Variants in MCRIP1 observed in about 807,000 individuals in gnomAD.
MCRIP1 encodes the protein MAPK regulated corepressor interacting protein 1.
MCRIP1 carries 10 observed loss-of-function variants against 14.4 expected under a neutral mutation model. The observed-to-expected ratio is 0.70, with a 90% CI of 0.43 to 1.18. MCRIP1 has a LOEUF of 1.18. Ranked by LOEUF, MCRIP1 falls within the 50% of genes most tolerant of loss-of-function variation. The pLI, the probability that MCRIP1 is intolerant of heterozygous loss-of-function variation, is 0.00. For missense variants in MCRIP1, 119 were observed against 135.4 expected, an observed-to-expected ratio of 0.88 and a Z score of 0.60; for synonymous variants, 53 against 55.7, an observed-to-expected ratio of 0.95 and a Z score of 0.21.
chr17:81,826,796 C>T (rs551346064), intron 1 of MCRIP1: 140 of 133,034 alleles, frequency 1.1e-3, no homozygotes, highest in African/African-American at 1.5e-3. Flanking sequence ...CCAGCCTGGG[C>T]GACAGAGCAA....
At chr17:81,830,494 A>T (rs2038495203) in intron 1 of MCRIP1, among the ~76,000 whole-genome samples, 1 of 151,802 alleles carries the variant, frequency 6.6e-6, no homozygotes. Context: ...AAAAGTAGCC[A>T]GGCGTGGTGG....
At position 81,823,811 on chromosome 17, in the gene MCRIP1, T is replaced by C; in HGVS notation, c.128-298A>G. 1 of 576,174 alleles carries C rather than the reference T, an allele frequency of 1.7e-6. No homozygotes were observed. 35.7% of individuals were successfully genotyped at this position (576,174 alleles called of 1,614,324 possible). ...TCGGAGGCAGCGCATCCTCCTCAGCTAGGCCTCTATCTTTCCCACCTCATC... is the reference window on the plus strand; with the variant it reads ...TCGGAGGCAGCGCATCCTCCTCAGCCAGGCCTCTATCTTTCCCACCTCATC... On this transcript the variant is annotated intron_variant, in intron 3 of 4. Coordinates refer to ENST00000455127, the MANE Select transcript of MCRIP1 (RefSeq NM_207368.5). This position sits in a 1 kb window ranked among gnomAD's most constrained non-coding sequence, Gnocchi z 6.0.
intron 1 of MCRIP1, chr17:81,826,401 G>A: frequency 6.5e-7 from 1 of 1,534,622 alleles, no homozygotes; most frequent in Non-Finnish European, 8.7e-7. Flanking sequence ...GCATGCACTT[G>A]TAGTCCCAGC....
At chr17:81,830,466 G>A (rs1397739604) in intron 1 of MCRIP1, among the ~76,000 whole-genome samples, 2 of 148,404 alleles carry the variant, frequency 1.3e-5, no homozygotes, top group Admixed American at 6.7e-5. Flanking sequence ...GTGAAACCCC[G>A]TCTCTACTAA....
intron 1 of MCRIP1, chr17:81,826,662 A>C: frequency 7.1e-6 from 3 of 424,238 alleles, no homozygotes; most frequent in Non-Finnish European, 1.3e-5. Context: ...TCTACTAAAA[A>C]TACAAAATTA....
Position 81,823,425 on chromosome 17 carries a change from G to T in MCRIP1, c.216C>A (p.Asn72Lys). 1 of 1,536,800 alleles carries T rather than the reference G, an allele frequency of 6.5e-7. No individual in the cohort carries two copies. The change falls in exon 4 of 5, where the codon AAC (asparagine) becomes AAA (lysine). Residue 72 changes from asparagine to lysine, a missense_variant. Coordinates refer to ENST00000455127, the MANE Select transcript of MCRIP1 (RefSeq NM_207368.5). The surrounding 1 kb of genome is among the most constrained non-coding windows in gnomAD (Gnocchi z 6.0). The stretch of plus-strand genomic sequence containing the variant: ...GCCCCCACTCACTCTTCAGGCTGGG[G>T]TTAGGGACCTTCTCCACATACTCCT... ...LVEEYVEKVP[N>K]PSLKTFKPID...
Position 81,822,771 on chromosome 17 carries a change from G to T in MCRIP1, c.*476C>A, listed in dbSNP as rs990355604. 2 of 199,820 alleles carry T rather than the reference G, an allele frequency of 1.0e-5. No homozygotes were observed. Among genetic ancestry groups the T allele is most frequent in the Non-Finnish European group, 2.1e-5 (2 of 97,008 alleles). 12.4% of individuals were successfully genotyped at this position (199,820 alleles called of 1,614,324 possible). A position where few individuals can be genotyped will look rare whatever the true frequency, so the allele number is the denominator to read the frequency against. On this transcript the variant is annotated 3_prime_UTR_variant, in exon 5 of 5. Coordinates refer to ENST00000455127, the MANE Select transcript of MCRIP1 (RefSeq NM_207368.5). ...CCAGCGTGTCCAGGCCACGGGAGCA[G>T]CAAGGGTCTGCGGGGAGCCCAGGCT... is the stretch of plus-strand genomic sequence containing the variant.
rs1273628353 is a variant in MCRIP1 at position 81,824,443 on chromosome 17, G to A, written c.9-38C>T. The A allele has an allele frequency of 1.4e-5, 21 of 1,534,028 alleles. No individual in the cohort carries two copies. The African/African-American group carries it at 2.1e-4, about 15-fold the overall frequency. On this transcript the variant is annotated intron_variant, in intron 2 of 4. Coordinates refer to ENST00000455127, the MANE Select transcript of MCRIP1 (RefSeq NM_207368.5). ...GGCGCATGAGACAGGGCACACAGCAGGGTGGGAGCCCACAACCCGCCCCGG... is the reference window on the plus strand; with the variant it reads ...GGCGCATGAGACAGGGCACACAGCAAGGTGGGAGCCCACAACCCGCCCCGG...
intron 1 of MCRIP1, among the ~76,000 whole-genome samples, chr17:81,827,775 CAT>C (rs1491454057): frequency 2.2e-5 from 3 of 134,588 alleles, no homozygotes; most frequent in Non-Finnish European, 4.7e-5. Context: ...TGCACCCATA[CAT>C]TTTTTTTTTT....
chr17:81,823,663 C>T lies in MCRIP1; in HGVS notation c.128-150G>A. The stretch of plus-strand genomic sequence containing the variant: ...TGCTCCCCCACAGCCCTCTGCCCAC[C>T]CCAGCCTCACTCACCTGCAGACCCC... On this transcript the variant is annotated intron_variant, in intron 3 of 4. Transcript: ENST00000455127. The surrounding 1 kb of genome is among the most constrained non-coding windows in gnomAD (Gnocchi z 6.0). 2 of 667,518 alleles carry T rather than the reference C, an allele frequency of 3.0e-6. No homozygotes were observed. Among genetic ancestry groups the T allele is most frequent in the South Asian group, 3.6e-5 (2 of 55,784 alleles). The allele number at this position is 667,518 out of a possible 1,614,324, so 41.3% of individuals were successfully genotyped here. A position where few individuals can be genotyped will look rare whatever the true frequency, so the allele number is the denominator to read the frequency against.
Position 81,823,131 on chromosome 17 carries a change from G to C in MCRIP1, c.*116C>G, listed in dbSNP as rs564448022. ...CAGCCGTCAGTCACGCCAGTGCTGG[G>C]ATCTGCAGCCCGCTGGAGCAAGGCA... On this transcript the variant is annotated 3_prime_UTR_variant, in exon 5 of 5. Coordinates refer to ENST00000455127, the MANE Select transcript of MCRIP1 (RefSeq NM_207368.5). This position sits in a 1 kb window ranked among gnomAD's most constrained non-coding sequence, Gnocchi z 6.0. The C allele has an allele frequency of 3.8e-5, 37 of 974,898 alleles. No individual in the cohort carries two copies. Among genetic ancestry groups the C allele is most frequent in the African/African-American group, 1.4e-4 (9 of 62,336 alleles). The allele number at this position is 974,898 out of a possible 1,614,324, so 60.4% of individuals were successfully genotyped here.
At chr17:81,824,974 T>A (rs143933380) in intron 1 of MCRIP1, 218,131 of 1,053,622 alleles carry the variant, frequency 0.21, 24,537 homozygotes, top group African/African-American at 0.36. Context: ...GCCCCTCAGC[T>A]AACTGACCCT....
At chr17:81,826,162 T>C (rs913237622) in intron 1 of MCRIP1, 5 of 1,495,796 alleles carry the variant, frequency 3.3e-6, no homozygotes, top group Non-Finnish European at 4.4e-6. Flanking sequence ...CTGCCCCAGA[T>C]CCCACTGATT....
chr17:81,824,448 G>A, intron 2 of MCRIP1, 43 bp from the exon 3 acceptor site: 1 of 1,533,984 alleles, frequency 6.5e-7, no homozygotes, highest in Non-Finnish European at 8.7e-7. Flanking sequence ...CAGCAGGGTG[G>A]GAGCCCACAA....
At position 81,823,678 on chromosome 17, in the gene MCRIP1, C is replaced by T; in HGVS notation, c.128-165G>A. On this transcript the variant is annotated intron_variant, in intron 3 of 4. Coordinates refer to ENST00000455127, the MANE Select transcript of MCRIP1 (RefSeq NM_207368.5). This position sits in a 1 kb window ranked among gnomAD's most constrained non-coding sequence, Gnocchi z 6.0. ...CTCTGCCCACCCCAGCCTCACTCAC[C>T]TGCAGACCCCGTCCCCGCTCCTCTG... is the stretch of plus-strand genomic sequence containing the variant. 1.6e-6 allele frequency: 1 copy of T among 634,714 alleles called. No homozygotes were observed. Among genetic ancestry groups the T allele is most frequent in the Non-Finnish European group, 2.8e-6 (1 of 359,796 alleles). The allele number at this position is 634,714 out of a possible 1,614,324, so 39.3% of individuals were successfully genotyped here.
At chr17:81,826,177 C>G (rs1432332303) in intron 1 of MCRIP1, 16 of 1,502,562 alleles carry the variant, frequency 1.1e-5, no homozygotes, top group East Asian at 2.5e-5. Context: ...CTGATTGCCC[C>G]ACATCCTCCC....
chr17:81,831,420 AAAAG>A (rs2038516461), intron 1 of MCRIP1, among the ~76,000 whole-genome samples: 2 of 151,678 alleles, frequency 1.3e-5, no homozygotes, highest in South Asian at 4.2e-4. Context: ...AAAAAAAAAA[AAAAG>A]AACGAAAGGG....
chr17:81,825,217 G>T, intron 1 of MCRIP1: 1 of 1,068,574 alleles, frequency 9.4e-7, no homozygotes, highest in Non-Finnish European at 1.1e-6. Flanking sequence ...GCCTGACCTG[G>T]TGACCAAGAC....
At position 81,822,915 on chromosome 17, in the gene MCRIP1, G is replaced by A. The variant is rs2038297588; in HGVS notation, c.*332C>T. 2 of 495,924 alleles carry A rather than the reference G, an allele frequency of 4.0e-6. No individual in the cohort carries two copies. Among genetic ancestry groups the A allele is most frequent in the Non-Finnish European group, 7.3e-6 (2 of 274,126 alleles). 30.7% of individuals were successfully genotyped at this position (495,924 alleles called of 1,614,324 possible). ...TCTTCTCCCCTCCTGATCCTGCAGT[G>A]GCCAGGGGCAGGAGGGTGAGGGGAG... is the stretch of plus-strand genomic sequence containing the variant. On this transcript the variant is annotated 3_prime_UTR_variant, in exon 5 of 5. Coordinates refer to ENST00000455127, the MANE Select transcript of MCRIP1 (RefSeq NM_207368.5).
Sources: allele counts gnomAD v4.1 joint callset (sites outside exome capture counted in the v4.1 genomes callset), GRCh38; gene constraint gnomAD v4.1.1; non-coding constraint Gnocchi (gnomAD v3.1); transcripts MANE v1.5; gene names NCBI Gene and HGNC (gene_info 2026-07-23, HGNC 2026-07-21).